The following TRPC4 variants were observed in gnomAD, a reference collection of about 807,000 sequenced individuals.
The protein encoded by TRPC4 is transient receptor potential cation channel subfamily C member 4.
TRPC4 carries 49 observed loss-of-function variants against 99.4 expected under a neutral mutation model. The observed-to-expected ratio is 0.49, with a 90% CI of 0.39 to 0.63. The LOEUF (loss-of-function observed/expected upper bound fraction) is 0.63, where lower values mean the gene tolerates loss of function less well. Among genes scored for constraint, TRPC4 ranks in the 20% least tolerant of loss-of-function variants. The pLI is 0.00. For synonymous variants in TRPC4, 454 were observed against 425.9 expected, an observed-to-expected ratio of 1.07 and a Z score of -0.81; for missense variants, 898 against 1,152.9, an observed-to-expected ratio of 0.78 and a Z score of 3.20.
At chr13:37,839,417 C>CATCTGTATATCCT in intron 1 of TRPC4, among the ~76,000 whole-genome samples, 1 of 152,070 alleles carries the variant, frequency 6.6e-6, no homozygotes, top group Non-Finnish European at 1.5e-5. Context: ...CAGGCACATC[C>CATCTGTATATCCT]AGGGTTAATC....
chr13:37,651,334 G>T lies in TRPC4; in HGVS notation c.2010C>A (p.Ile670=). 1 of 1,614,106 alleles carries T rather than the reference G, an allele frequency of 6.2e-7. No homozygotes were observed. Among genetic ancestry groups the T allele is most frequent in the South Asian group, 1.1e-5 (1 of 91,076 alleles). ...TGCACAAGTGTGTCCAGATCCATTT[G>T]ATCAGGTACCAGAGAGACTTGGGGC... ...IPSPKSLWYL[I]KWIWTHLCKK... Residue 670 remains isoleucine (I), a synonymous_variant, in exon 8 of 11, where the codon ATC becomes ATA. Coordinates refer to ENST00000379705, the MANE Select transcript of TRPC4 (RefSeq NM_016179.4).
rs1179193884 is a variant in TRPC4 at position 37,637,133 on chromosome 13, G to T, written c.2704C>A (p.Leu902Ile). The T allele has an allele frequency of 4.3e-6, 7 of 1,613,628 alleles. No individual in the cohort carries two copies. Among genetic ancestry groups the T allele is most frequent in the Non-Finnish European group, 5.9e-6 (7 of 1,179,854 alleles). ...TCTACTAACACACATTGTTCACTGA[G>T]ACCGGGAATGCTCAGGTCACCCCGT... ...ASRGDLSIPG[L>I]SEQCVLVDHR... The change falls in exon 11 of 11, where the codon CTC becomes ATC. Residue 902 changes from leucine to isoleucine, a missense_variant. Coordinates refer to ENST00000379705, the MANE Select transcript of TRPC4 (RefSeq NM_016179.4).
intron 1 of TRPC4, among the ~76,000 whole-genome samples, chr13:37,805,581 T>G (rs1957510534): frequency 6.6e-6 from 1 of 152,088 alleles, no homozygotes; most frequent in Non-Finnish European, 1.5e-5. Context: ...CTTCTCTTGA[T>G]GTTATCTGAC....
chr13:37,767,645 G>A (rs1386042333), intron 2 of TRPC4, among the ~76,000 whole-genome samples: 1 of 151,226 alleles, frequency 6.6e-6, no homozygotes, highest in Non-Finnish European at 1.5e-5. Context: ...TTTCATTCTG[G>A]AAGTGATCCA....
intron 1 of TRPC4, among the ~76,000 whole-genome samples, chr13:37,853,406 G>A (rs150322519): frequency 4.7e-4 from 72 of 152,202 alleles, no homozygotes; most frequent in African/African-American, 1.5e-3. Context: ...TTGGGCTTGC[G>A]GCCCAAGTCC....
At chr13:37,716,915 G>A (rs1954689647) in intron 3 of TRPC4, among the ~76,000 whole-genome samples, 1 of 151,964 alleles carries the variant, frequency 6.6e-6, no homozygotes, top group South Asian at 2.1e-4. Flanking sequence ...TTTGATATAG[G>A]AGACTAAGAG....
chr13:37,854,132 T>C lies in TRPC4; in HGVS notation c.-28+15463A>G, dbSNP rs77942341. On this transcript the variant is annotated intron_variant, in intron 1 of 10. Coordinates refer to ENST00000379705, the MANE Select transcript of TRPC4 (RefSeq NM_016179.4). ...GACAACTACCTTGAAACATTTAATA[T>C]TGAATTCCCAAAGGTCAAGGATAAA... Among the ~76,000 whole-genome samples, 167 of 152,130 alleles carry C rather than the reference T, an allele frequency of 1.1e-3. 1 individual carries two copies. The highest frequency in any genetic ancestry group is 3.9e-3 in the African/African-American group (163 of 41,520).
intron 3 of TRPC4, among the ~76,000 whole-genome samples, chr13:37,731,876 G>A (rs891578529): frequency 5.3e-5 from 8 of 151,820 alleles, no homozygotes; most frequent in Non-Finnish European, 1.0e-4. Context: ...TCCCCATATA[G>A]CATTTACCTT....
chr13:37,698,727 G>T (rs1954003792), intron 3 of TRPC4, among the ~76,000 whole-genome samples: 1 of 152,120 alleles, frequency 6.6e-6, no homozygotes, highest in Non-Finnish European at 1.5e-5. Flanking sequence ...GAACTCTTGT[G>T]CAAGTGGAAA....
At chr13:37,829,261 T>C (rs1958338765) in intron 1 of TRPC4, among the ~76,000 whole-genome samples, 1 of 152,058 alleles carries the variant, frequency 6.6e-6, no homozygotes, top group South Asian at 2.1e-4. Context: ...AAGCCTCAAA[T>C]ATAAAAAGGC....
intron 2 of TRPC4, among the ~76,000 whole-genome samples, chr13:37,754,510 A>C (rs1011399976): frequency 1.3e-5 from 2 of 152,160 alleles, no homozygotes; most frequent in African/African-American, 4.8e-5. Flanking sequence ...TTGGCATTAA[A>C]TTATATACTC....
chr13:37,813,948 A>G (rs1364876904), intron 1 of TRPC4, among the ~76,000 whole-genome samples: 1 of 151,848 alleles, frequency 6.6e-6, no homozygotes, highest in Non-Finnish European at 1.5e-5. Context: ...TAATAAAAAG[A>G]CACCAAATCC....
At position 37,762,545 on chromosome 13, in the gene TRPC4, T is replaced by G. The variant is rs912696849; in HGVS notation, c.379-16090A>C. On this transcript the variant is annotated intron_variant, in intron 2 of 10. Coordinates refer to ENST00000379705, the MANE Select transcript of TRPC4 (RefSeq NM_016179.4). ...TGGAATACTATGCAGCCATAAAAAA[T>G]GATGAGTTCATGTCCTTTGTATGGA... is the stretch of plus-strand genomic sequence containing the variant. 9.9e-5 allele frequency among the ~76,000 whole-genome samples: 15 copies of G among 151,426 alleles called. 1 individual carries two copies. Among genetic ancestry groups the G allele is most frequent in the Admixed American group, 3.3e-4 (5 of 15,154 alleles).
intron 3 of TRPC4, among the ~76,000 whole-genome samples, chr13:37,730,902 G>T (rs900692344): frequency 6.6e-6 from 1 of 151,858 alleles, no homozygotes; most frequent in Admixed American, 6.6e-5. Flanking sequence ...AATAGTGAGG[G>T]ACAAGACTTC....
chr13:37,867,284 G>A (rs1186213402), intron 1 of TRPC4, among the ~76,000 whole-genome samples: 2 of 151,792 alleles, frequency 1.3e-5, no homozygotes, highest in Non-Finnish European at 2.9e-5. Flanking sequence ...ACAAATGTGT[G>A]CATATTTTTA....
intron 5 of TRPC4, among the ~76,000 whole-genome samples, chr13:37,671,393 T>G (rs1952835347): frequency 6.6e-6 from 1 of 152,054 alleles, no homozygotes; most frequent in South Asian, 2.1e-4. Flanking sequence ...ATAATAAAAT[T>G]GAGACCTACA....
chr13:37,656,766 T>C (rs1386664146), intron 6 of TRPC4, among the ~76,000 whole-genome samples: 3 of 152,186 alleles, frequency 2.0e-5, no homozygotes, highest in Non-Finnish European at 1.5e-5. Flanking sequence ...AAGCAGAGAA[T>C]TGAGGATGAA....
At chr13:37,762,349 C>T (rs904920809) in intron 2 of TRPC4, among the ~76,000 whole-genome samples, 2 of 151,772 alleles carry the variant, frequency 1.3e-5, no homozygotes, top group Non-Finnish European at 2.9e-5. Flanking sequence ...CCATTTGACC[C>T]AGCCATCCCG....
chr13:37,770,019 C>T (rs2139286419), intron 2 of TRPC4, among the ~76,000 whole-genome samples: 1 of 151,482 alleles, frequency 6.6e-6, no homozygotes, highest in South Asian at 2.1e-4. Context: ...GATTTGAATC[C>T]ATATTTTTCT....
Sources: allele counts gnomAD v4.1 joint callset (sites outside exome capture counted in the v4.1 genomes callset), GRCh38; gene constraint gnomAD v4.1.1; transcripts MANE v1.5; gene names NCBI Gene and HGNC (gene_info 2026-07-23, HGNC 2026-07-21).